RAI1: variants seen among roughly 807,000 people sequenced by gnomAD.
The protein encoded by RAI1 is retinoic acid induced 1, also known as retinoic acid-induced protein 1.
Under a neutral mutation model 123.8 loss-of-function variants are expected in RAI1, and 9 were observed. The ratio of observed to expected loss-of-function variants is 0.07; its 90% CI spans 0.04 to 0.13. RAI1 has a LOEUF of 0.13. Among genes scored for constraint, RAI1 ranks in the 10% least tolerant of loss-of-function variants. The probability of loss-of-function intolerance (pLI) is 1.00; values close to 1 mark genes in which losing one functional copy is unlikely to be tolerated. For missense variants in RAI1, 2,256 were observed against 2,545.8 expected (o/e 0.89, Z 2.45); for synonymous variants, 1,231 against 1,127.3 (o/e 1.09, Z -1.84).
At chr17:17,758,733 G>C (rs1281811315) in intron 2 of RAI1, among the ~76,000 whole-genome samples, 1 of 152,234 alleles carries the variant, frequency 6.6e-6, no homozygotes, top group East Asian at 1.9e-4. Flanking sequence ...TGTACGAGGA[G>C]CATACTCAGG....
chr17:17,690,377 G>A (rs35286476), intron 1 of RAI1, among the ~76,000 whole-genome samples: 3,071 of 144,792 alleles, frequency 0.021, 55 homozygotes, highest in Non-Finnish European at 0.032. Flanking sequence ...GTGACAGAGC[G>A]AGACCTTGTC....
intron 1 of RAI1, among the ~76,000 whole-genome samples, chr17:17,683,365 C>G (rs1914512120): frequency 6.6e-6 from 1 of 152,184 alleles, no homozygotes; most frequent in Admixed American, 6.5e-5. Flanking sequence ...CCATACAGTC[C>G]TCGCTCTGCT....
chr17:17,724,472 C>T (rs1916010255), intron 2 of RAI1, among the ~76,000 whole-genome samples: 1 of 150,130 alleles, frequency 6.7e-6, no homozygotes, highest in Non-Finnish European at 1.5e-5. Flanking sequence ...TCCCCCCTCC[C>T]CTTTCCTCCA....
At chr17:17,696,386 G>A (rs1031920089) in intron 1 of RAI1, among the ~76,000 whole-genome samples, 1 of 152,174 alleles carries the variant, frequency 6.6e-6, no homozygotes, top group African/African-American at 2.4e-5. Context: ...GGCAGCCACA[G>A]TTGTCTTCCC....
rs1431040516 is a variant in RAI1 at position 17,809,819 on chromosome 17, G to T, written c.5710-151G>T. On this transcript the variant is annotated intron_variant, in intron 5 of 5. Coordinates refer to ENST00000353383, the MANE Select transcript of RAI1 (RefSeq NM_030665.4). This position sits in a 1 kb window ranked among gnomAD's most constrained non-coding sequence, Gnocchi z 4.9. ...AAGCTGGACGGGGTGGGGCCAGAAG[G>T]GGTGGTGCCGACGGCCTCGGGCGGA... 6.9e-6 allele frequency: 7 copies of T among 1,007,364 alleles called. No homozygotes were observed. The highest frequency in any genetic ancestry group is 6.7e-5 in the Admixed American group (3 of 45,004). 62.4% of individuals were successfully genotyped at this position (1,007,364 alleles called of 1,614,324 possible). A position where few individuals can be genotyped will look rare whatever the true frequency, so the allele number is the denominator to read the frequency against.
rs763696545 is a variant in RAI1 at position 17,798,211 on chromosome 17, C to T, written c.5263C>T (p.Pro1755Ser). The T allele has an allele frequency of 3.1e-6, 5 of 1,612,476 alleles. No homozygotes were observed. The highest frequency in any genetic ancestry group is 4.2e-6 in the Non-Finnish European group (5 of 1,179,698). Residue 1755 changes from proline to serine, a missense_variant, in exon 3 of 6, where the codon CCC becomes TCC. Pro to Ser is a moderately conservative substitution (Grantham distance 74, BLOSUM62 -1). This residue lies in a region of RAI1 where 243 missense variants were observed against 316.6 expected (regional missense o/e 0.77). Transcript: ENST00000353383. ...CAAAATAGKP[P>S]RPDGPADPAK... ...AGCTGCCGCCACTGCCGGGAAGCCC[C>T]CCAGGCCTGACGGCCCAGCTGACCC...
At chr17:17,744,646 C>T (rs1365550100) in intron 2 of RAI1, among the ~76,000 whole-genome samples, 4 of 151,728 alleles carry the variant, frequency 2.6e-5, no homozygotes, top group East Asian at 1.9e-4. Context: ...AAAAATTAGC[C>T]GGGCGTGATG....
chr17:17,786,553 CAG>C (rs1203332099), intron 2 of RAI1, among the ~76,000 whole-genome samples: 1 of 152,170 alleles, frequency 6.6e-6, no homozygotes, highest in South Asian at 2.1e-4. Context: ...ACAGAGGTGA[CAG>C]AGGAGCCAAG....
chr17:17,794,002 C>G lies in RAI1; in HGVS notation c.1054C>G (p.Arg352Gly). The change falls in exon 3 of 6, where the codon CGC (arginine) becomes GGC (glycine). Residue 352 changes from arginine to glycine, a missense_variant. By Grantham distance (125) the Arg-to-Gly change is moderately radical (BLOSUM62 -2). Coordinates refer to ENST00000353383, the MANE Select transcript of RAI1 (RefSeq NM_030665.4). ...CCACTCACCCGCCCGCTCCGTGGGC[C>G]GCTCACCTTCCTACAGTTCCACACC... ...SSHSPARSVG[R>G]SPSYSSTPSP... is the part of the protein sequence containing the mutation. The G allele has an allele frequency of 6.2e-7, 1 of 1,613,962 alleles. No individual in the cohort carries two copies. The highest frequency in any genetic ancestry group is 8.5e-7 in the Non-Finnish European group (1 of 1,180,018).
rs566905387 is a variant in RAI1 at position 17,704,105 on chromosome 17, G to A, written c.-148-19923G>A. Among the ~76,000 whole-genome samples the A allele has an allele frequency of 2.5e-3, 386 of 152,314 alleles. 1 individual carries two copies. The highest frequency in any genetic ancestry group is 3.5e-3 in the Admixed American group (53 of 15,306). ...GGACTCTGCCATGGTGGACCATTGT[G>A]CCCTTGCCTGGCTTGCCAGGAAAGT... On this transcript the variant is annotated intron_variant, in intron 1 of 5. Coordinates refer to ENST00000353383, the MANE Select transcript of RAI1 (RefSeq NM_030665.4).
intron 1 of RAI1, among the ~76,000 whole-genome samples, chr17:17,712,028 C>A (rs1915581724): frequency 6.6e-6 from 1 of 152,240 alleles, no homozygotes; most frequent in African/African-American, 2.4e-5. Context: ...CAAATGCTGG[C>A]TCCGTTAACA....
At chr17:17,704,906 G>C (rs994547161) in intron 1 of RAI1, among the ~76,000 whole-genome samples, 3 of 152,092 alleles carry the variant, frequency 2.0e-5, no homozygotes, top group Non-Finnish European at 2.9e-5. Context: ...TATGGCCCGT[G>C]AGGTGTGAGC....
At chr17:17,754,186 C>G (rs1397059513) in intron 2 of RAI1, among the ~76,000 whole-genome samples, 1 of 146,848 alleles carries the variant, frequency 6.8e-6, no homozygotes, top group Admixed American at 6.7e-5. Flanking sequence ...TTCGCCTAAC[C>G]CAATCTTTTT....
At chr17:17,803,623 C>A (rs530341647) in intron 3 of RAI1, 133 bp from the exon 4 acceptor site, 30 of 808,172 alleles carry the variant, frequency 3.7e-5, no homozygotes, top group African/African-American at 3.0e-4. Flanking sequence ...TGGACTCAGG[C>A]GATCCTCCCA....
At chr17:17,744,789 CAAAAA>C (rs58984430) in intron 2 of RAI1, among the ~76,000 whole-genome samples, 1 of 46,808 alleles carries the variant, frequency 2.1e-5, no homozygotes, top group Non-Finnish European at 4.2e-5. Flanking sequence ...GACTCCGTCT[CAAAAA>C]AAAAAAAAAA....
At position 17,802,032 on chromosome 17, in the gene RAI1, G is replaced by GC. The variant is rs200373553; in HGVS notation, c.5566-1719dup. The GC allele has an allele frequency of 2.2e-3, 1,014 of 469,084 alleles. 8 individuals are homozygous for GC. Among genetic ancestry groups the GC allele is most frequent in the African/African-American group, 0.018 (911 of 50,006 alleles). The allele number at this position is 469,084 out of a possible 1,614,324, so 29.1% of individuals were successfully genotyped here. On this transcript the variant is annotated intron_variant, in intron 3 of 5. Coordinates refer to ENST00000353383, the MANE Select transcript of RAI1 (RefSeq NM_030665.4). ...TGCTGCCTTCTCTACCTCACCCCCC[G>GC]CCCCCAGCACGGTGGCACTGTGGCT...
chr17:17,772,700 C>A (rs2142995538), intron 2 of RAI1, among the ~76,000 whole-genome samples: 1 of 152,330 alleles, frequency 6.6e-6, no homozygotes, highest in South Asian at 2.1e-4. Flanking sequence ...AAGTGTCACT[C>A]CCCTGGGAAG....
intron 2 of RAI1, among the ~76,000 whole-genome samples, chr17:17,730,296 C>T (rs1598040679): frequency 6.6e-6 from 1 of 152,360 alleles, no homozygotes; most frequent in Middle Eastern, 3.4e-3. Context: ...GATTAAAATG[C>T]AAACTGTTAC....
At chr17:17,781,132 C>T (rs947709438) in intron 2 of RAI1, among the ~76,000 whole-genome samples, 4 of 152,204 alleles carry the variant, frequency 2.6e-5, no homozygotes, top group Non-Finnish European at 5.9e-5. Context: ...GAGAGAACTC[C>T]ATCTCAGGTT....
Sources: gnomAD v4.1 joint callset for allele counts (sites outside exome capture counted in the v4.1 genomes callset) on GRCh38, gnomAD v4.1.1 for gene constraint, gnomAD v4.1.1 regional missense constraint, Gnocchi (gnomAD v3.1) non-coding constraint, MANE v1.5 for transcripts, NCBI Gene and HGNC (gene_info 2026-07-23, HGNC 2026-07-21) for gene names.